Variants in ASAP1 observed in about 807,000 individuals in gnomAD.
The protein encoded by ASAP1 is arf-GAP with SH3 domain, ANK repeat and PH domain-containing protein 1.
A neutral mutation model predicts 145.2 loss-of-function variants in ASAP1; 43 were observed. That is an observed-to-expected ratio of 0.30 (90% confidence interval 0.23 to 0.38). The LOEUF is 0.38. ASAP1 is among the 10% of genes least tolerant of loss of function. The probability of loss-of-function intolerance (pLI) is 1.00; values close to 1 mark genes in which losing one functional copy is unlikely to be tolerated. For synonymous variants in ASAP1, 546 were observed against 515.5 expected (o/e 1.06, Z -0.80); for missense variants, 1,018 against 1,355.3 (o/e 0.75, Z 3.91).
chr8:130,143,343 C>T (rs973150895), intron 13 of ASAP1, among the ~76,000 whole-genome samples: 4 of 150,504 alleles, frequency 2.7e-5, no homozygotes, highest in African/African-American at 9.7e-5. Context: ...GTTGGAATCT[C>T]ACTTTCACAT....
chr8:130,213,196 C>A (rs1386273978), intron 5 of ASAP1, among the ~76,000 whole-genome samples: 1 of 152,180 alleles, frequency 6.6e-6, no homozygotes, highest in Non-Finnish European at 1.5e-5. Context: ...AGCCAAAGTT[C>A]AAAATTATCC....
chr8:130,125,719 G>A (rs1414511219), intron 17 of ASAP1, among the ~76,000 whole-genome samples: 1 of 152,022 alleles, frequency 6.6e-6, no homozygotes, highest in Non-Finnish European at 1.5e-5. Context: ...CAAAAGAAAA[G>A]AGCCAATTTC....
intron 24 of ASAP1, among the ~76,000 whole-genome samples, chr8:130,104,799 A>C (rs1314495418): frequency 6.6e-6 from 1 of 152,238 alleles, no homozygotes; most frequent in Admixed American, 6.5e-5. Context: ...TTTTAGTTAC[A>C]CACAGAAAAA....
At chr8:130,236,890 T>C (rs1818246883) in intron 4 of ASAP1, 32 bp downstream of exon 4, 1 of 1,424,256 alleles carries the variant, frequency 7.0e-7, no homozygotes, top group South Asian at 1.3e-5. Flanking sequence ...TTATTTATAA[T>C]TCATGTTACC....
At chr8:130,199,929 G>C (rs1586578858) in intron 5 of ASAP1, among the ~76,000 whole-genome samples, 1 of 152,180 alleles carries the variant, frequency 6.6e-6, no homozygotes, top group South Asian at 2.1e-4. Flanking sequence ...TTTTAGTATA[G>C]TCCATCCACA....
chr8:130,414,190 A>C (rs900299305), intron 1 of ASAP1, among the ~76,000 whole-genome samples: 1 of 152,250 alleles, frequency 6.6e-6, no homozygotes, highest in African/African-American at 2.4e-5. Context: ...GTTCAAAGGC[A>C]CAGTCTTAGA....
intron 3 of ASAP1, among the ~76,000 whole-genome samples, chr8:130,263,899 T>C (rs866404543): frequency 7.9e-5 from 12 of 152,224 alleles, no homozygotes; most frequent in African/African-American, 2.4e-4. Context: ...AGCAGTTCAG[T>C]GTGTCTAAAG....
chr8:130,435,079 C>T (rs184265993), intron 1 of ASAP1, among the ~76,000 whole-genome samples: 14 of 152,224 alleles, frequency 9.2e-5, no homozygotes, highest in Admixed American at 2.6e-4. Flanking sequence ...CTTACCCCTC[C>T]GAGGCTCCTA....
chr8:130,300,141 C>CAGAGAG (rs1565185838), intron 3 of ASAP1, among the ~76,000 whole-genome samples: 15 of 117,964 alleles, frequency 1.3e-4, no homozygotes, highest in African/African-American at 5.8e-4. Flanking sequence ...CACACACACA[C>CAGAGAG]ACACACACAC....
chr8:130,175,837 T>G (rs1313707583), intron 9 of ASAP1, among the ~76,000 whole-genome samples: 3 of 152,186 alleles, frequency 2.0e-5, no homozygotes, highest in Non-Finnish European at 4.4e-5. Flanking sequence ...GTAAGGAACT[T>G]AGAGGCAGGG....
At chr8:130,276,728 A>ACACTCTCTCTCTCTCTCT (rs548512902) in intron 3 of ASAP1, among the ~76,000 whole-genome samples, 61 of 87,312 alleles carry the variant, frequency 7.0e-4, no homozygotes, top group East Asian at 2.0e-3. Context: ...ACACACACAC[A>ACACTCTCTCTCTCTCTCT]CTCTCTCTCT....
chr8:130,387,497 C>G (rs181179427), intron 2 of ASAP1, among the ~76,000 whole-genome samples: 7 of 151,462 alleles, frequency 4.6e-5, no homozygotes, highest in Admixed American at 1.3e-4. Context: ...GATTACACCA[C>G]TGCACTCCAG....
intron 23 of ASAP1, among the ~76,000 whole-genome samples, chr8:130,112,652 T>G (rs141476049): frequency 2.6e-3 from 389 of 152,356 alleles, no homozygotes; most frequent in African/African-American, 9.1e-3. Context: ...TCAGCAACAT[T>G]TGAATAGTAT....
chr8:130,138,835 T>TAAA (rs2097601978), intron 13 of ASAP1, among the ~76,000 whole-genome samples: 1 of 77,226 alleles, frequency 1.3e-5, no homozygotes, highest in Non-Finnish European at 2.5e-5. Flanking sequence ...AAACTCCGTC[T>TAAA]CAAAAAAAAA....
chr8:130,311,991 CA>C (rs1823385879), intron 3 of ASAP1, among the ~76,000 whole-genome samples: 1 of 152,008 alleles, frequency 6.6e-6, no homozygotes, highest in African/African-American at 2.4e-5. Flanking sequence ...CATGTAGGTG[CA>C]AATATACTCT....
At chr8:130,373,257 A>G (rs1827317226) in intron 2 of ASAP1, among the ~76,000 whole-genome samples, 2 of 151,530 alleles carry the variant, frequency 1.3e-5, no homozygotes, top group Admixed American at 1.3e-4. Context: ...TACAAAACCT[A>G]TGGATTTTAA....
intron 4 of ASAP1, among the ~76,000 whole-genome samples, chr8:130,234,209 C>T (rs906082654): frequency 6.6e-6 from 1 of 152,126 alleles, no homozygotes; most frequent in African/African-American, 2.4e-5. Context: ...TCTATTTCTG[C>T]ACTATCCAAT....
intron 9 of ASAP1, 165 bp downstream of exon 9, chr8:130,179,099 C>G (rs929182236): frequency 8.1e-6 from 4 of 492,196 alleles, no homozygotes; most frequent in African/African-American, 2.0e-5. Context: ...GTATAAAACA[C>G]TGAAGATGGA....
At position 130,052,478 on chromosome 8, in the gene ASAP1, GCTTA is replaced by G. The variant is rs1181683513; in HGVS notation, c.*2249_*2252del. The stretch of plus-strand genomic sequence containing the variant: ...ATAATGTACAAAATTGCAGATAGTG[GCTTA>G]CTGAGTTTAAGATCAAGATCAGACT... On this transcript the variant is annotated 3_prime_UTR_variant, in exon 30 of 30. Coordinates refer to ENST00000518721, the MANE Select transcript of ASAP1 (RefSeq NM_018482.4). 6.6e-6 allele frequency: 1 copy of G among 152,474 alleles called. No homozygotes were observed. Among genetic ancestry groups the G allele is most frequent in the Non-Finnish European group, 1.5e-5 (1 of 68,026 alleles). The allele number at this position is 152,474 out of a possible 1,614,324, so 9.4% of individuals were successfully genotyped here.
Sources: gnomAD v4.1 joint callset for allele counts (sites outside exome capture counted in the v4.1 genomes callset) on GRCh38, gnomAD v4.1.1 for gene constraint, MANE v1.5 for transcripts, NCBI Gene and HGNC (gene_info 2026-07-23, HGNC 2026-07-21) for gene names.